Variants in MARCHF1 observed in about 807,000 individuals in gnomAD.
MARCHF1 encodes the protein membrane associated ring-CH-type finger 1, also known as E3 ubiquitin-protein ligase MARCHF1.
A neutral mutation model predicts 54.2 loss-of-function variants in MARCHF1; 40 were observed. The ratio of observed to expected loss-of-function variants is 0.74; its 90% CI spans 0.57 to 0.96. MARCHF1 has a LOEUF of 0.96. Ranked by LOEUF, MARCHF1 falls within the 40% of genes least tolerant of loss-of-function variation. The pLI is 0.00. For missense variants in MARCHF1, 586 were observed against 656.5 expected, an observed-to-expected ratio of 0.89 and a Z score of 1.17; for synonymous variants, 236 against 236.3, an observed-to-expected ratio of 1.00 and a Z score of 0.01.
intron 1 of MARCHF1, among the ~76,000 whole-genome samples, chr4:164,185,810 A>ACAC (rs1553990115): frequency 0.04 from 2,604 of 64,818 alleles, 28 homozygotes; most frequent in Non-Finnish European, 0.047. Flanking sequence ...ACACACACAC[A>ACAC]AAAAAAAAAA....
chr4:164,377,070 C>T (rs531763820), intron 1 of MARCHF1, among the ~76,000 whole-genome samples: 5 of 152,268 alleles, frequency 3.3e-5, no homozygotes, highest in Non-Finnish European at 5.9e-5. Context: ...AGGCATTCTC[C>T]GACTTCCAAT....
chr4:163,593,148 A>G (rs1204464619), intron 7 of MARCHF1, among the ~76,000 whole-genome samples: 1 of 152,196 alleles, frequency 6.6e-6, no homozygotes, highest in East Asian at 1.9e-4. Context: ...AATTTTGATG[A>G]CTTGTGGATA....
At chr4:164,289,201 C>A (rs958223866) in intron 1 of MARCHF1, among the ~76,000 whole-genome samples, 8 of 151,876 alleles carry the variant, frequency 5.3e-5, no homozygotes, top group African/African-American at 1.7e-4. Context: ...TGTCTGTGGT[C>A]TTATGTATTA....
At chr4:164,075,008 T>C (rs1294388125) in intron 2 of MARCHF1, among the ~76,000 whole-genome samples, 1 of 152,140 alleles carries the variant, frequency 6.6e-6, no homozygotes, top group East Asian at 1.9e-4. Context: ...TGACACTATG[T>C]GCACATTATA....
At chr4:164,049,508 A>C (rs1053495292) in intron 2 of MARCHF1, among the ~76,000 whole-genome samples, 57 of 152,216 alleles carry the variant, frequency 3.7e-4, no homozygotes, top group African/African-American at 1.4e-3. Flanking sequence ...CACCTGCTAA[A>C]AATTAGCACA....
chr4:163,634,162 T>C (rs923678900), intron 5 of MARCHF1, among the ~76,000 whole-genome samples: 4 of 152,076 alleles, frequency 2.6e-5, no homozygotes, highest in Admixed American at 1.3e-4. Context: ...GTAAAGACCA[T>C]AGAGACTAGG....
At chr4:163,833,020 T>G (rs1308676083) in intron 4 of MARCHF1, among the ~76,000 whole-genome samples, 2 of 152,074 alleles carry the variant, frequency 1.3e-5, no homozygotes, top group Non-Finnish European at 2.9e-5. Context: ...TTCCAAGTCT[T>G]TGCTATTGTG....
intron 4 of MARCHF1, among the ~76,000 whole-genome samples, chr4:163,769,029 T>C (rs1378537507): frequency 6.6e-6 from 1 of 152,156 alleles, no homozygotes; most frequent in Non-Finnish European, 1.5e-5. Context: ...ATAAGGCCCA[T>C]TATTCCTTAG....
chr4:164,234,952 T>C (rs1328947423), intron 1 of MARCHF1: 1 of 152,108 alleles, frequency 6.6e-6, no homozygotes, highest in Non-Finnish European at 1.5e-5. Flanking sequence ...CATACCCAAA[T>C]AAGTTTTATC....
intron 2 of MARCHF1, among the ~76,000 whole-genome samples, chr4:164,099,334 T>C (rs1310724349): frequency 1.3e-5 from 2 of 152,224 alleles, no homozygotes; most frequent in East Asian, 3.8e-4. Context: ...GCACTTTCAA[T>C]GTTAAAGAGA....
intron 4 of MARCHF1, among the ~76,000 whole-genome samples, chr4:163,802,967 T>A (rs2110979627): frequency 6.6e-6 from 1 of 152,266 alleles, no homozygotes; most frequent in East Asian, 1.9e-4. Context: ...AAAAAGGTAC[T>A]CATTCACTAT....
At chr4:164,283,553 C>G in intron 1 of MARCHF1, among the ~76,000 whole-genome samples, 1 of 150,986 alleles carries the variant, frequency 6.6e-6, no homozygotes, top group East Asian at 2.0e-4. Context: ...GATGAATCCC[C>G]TTTGAGACAT....
intron 1 of MARCHF1, among the ~76,000 whole-genome samples, chr4:164,243,152 G>C (rs1732827663): frequency 7.7e-6 from 1 of 129,238 alleles, no homozygotes; most frequent in Non-Finnish European, 1.6e-5. Flanking sequence ...TCCTCGAGAA[G>C]AGCAACTCCA....
chr4:163,851,501 C>T (rs970419561), intron 4 of MARCHF1, among the ~76,000 whole-genome samples: 1 of 152,292 alleles, frequency 6.6e-6, no homozygotes, highest in Middle Eastern at 3.4e-3. Flanking sequence ...GATTCATTTT[C>T]ATCGTTTGAT....
At chr4:164,186,306 C>G (rs1031749821) in intron 1 of MARCHF1, among the ~76,000 whole-genome samples, 4 of 152,182 alleles carry the variant, frequency 2.6e-5, no homozygotes, top group Admixed American at 2.0e-4. Flanking sequence ...ATTGTGTCAA[C>G]TAATCATTAC....
At chr4:163,959,356 A>C (rs895614927) in intron 3 of MARCHF1, among the ~76,000 whole-genome samples, 1 of 151,706 alleles carries the variant, frequency 6.6e-6, no homozygotes, top group African/African-American at 2.4e-5. Flanking sequence ...CAAAAAAACA[A>C]AAAACACAAA....
intron 2 of MARCHF1, among the ~76,000 whole-genome samples, chr4:164,039,493 T>C (rs2111014432): frequency 6.6e-6 from 1 of 152,302 alleles, no homozygotes; most frequent in Middle Eastern, 3.4e-3. Context: ...ACAAGGCTCA[T>C]GCAATTACAG....
At chr4:163,848,697 C>G (rs1165814201) in intron 4 of MARCHF1, among the ~76,000 whole-genome samples, 5 of 152,084 alleles carry the variant, frequency 3.3e-5, no homozygotes, top group African/African-American at 1.2e-4. Flanking sequence ...GGCTGTCATA[C>G]AAGAGGAGGC....
At chr4:163,954,719 C>G (rs1752198088) in intron 3 of MARCHF1, among the ~76,000 whole-genome samples, 1 of 152,118 alleles carries the variant, frequency 6.6e-6, no homozygotes, top group African/African-American at 2.4e-5. Flanking sequence ...ACCTGGGGAT[C>G]TTGTTACAAA....
Sources: gnomAD v4.1 joint callset for allele counts (sites outside exome capture counted in the v4.1 genomes callset) on GRCh38, gnomAD v4.1.1 for gene constraint, MANE v1.5 for transcripts, NCBI Gene and HGNC (gene_info 2026-07-23, HGNC 2026-07-21) for gene names.